GNG4: variants seen among roughly 807,000 people sequenced by gnomAD.
GNG4 encodes G protein subunit gamma 4.
Under a neutral mutation model 5.8 loss-of-function variants are expected in GNG4, and 4 were observed. That is an observed-to-expected ratio of 0.69 (90% CI 0.34 to 1.57). GNG4 has a LOEUF of 1.57. Ranked by LOEUF, GNG4 falls within the 40% of genes most tolerant of loss-of-function variation. GNG4 has a pLI of 0.06. For synonymous variants in GNG4, 29 were observed against 32.9 expected, an observed-to-expected ratio of 0.88 and a Z score of 0.41; for missense variants, 96 against 95.1, an observed-to-expected ratio of 1.01 and a Z score of -0.04.
At position 235,570,706 on chromosome 1, in the gene GNG4, AT is replaced by A. The variant is rs1200424152; in HGVS notation, c.99+13033del. ...TGAGCACCGCACCCAGTCTAAATAA[AT>A]TTTTAAAAGACAGGGTCTCACTCTG... is the stretch of plus-strand genomic sequence containing the variant. On this transcript the variant is annotated intron_variant, in intron 3 of 3. Coordinates refer to ENST00000391854, the MANE Select transcript of GNG4 (RefSeq NM_001098722.2). 2.1e-3 allele frequency among the ~76,000 whole-genome samples: 315 copies of A among 151,088 alleles called. 1 individual carries two copies. The highest frequency in any genetic ancestry group is 7.4e-3 in the African/African-American group (303 of 41,160).
chr1:235,565,821 C>T (rs1687179695), intron 3 of GNG4: 2 of 152,216 alleles, frequency 1.3e-5, no homozygotes, highest in Admixed American at 1.3e-4. Context: ...CCAGTCGTTC[C>T]TATGGAGTTC....
intron 3 of GNG4, among the ~76,000 whole-genome samples, chr1:235,582,958 T>C (rs1417783748): frequency 6.6e-6 from 1 of 152,158 alleles, no homozygotes; most frequent in Non-Finnish European, 1.5e-5. Context: ...GCTCTGTCCA[T>C]AGAAGGCTTC....
At chr1:235,636,731 C>A (rs948183557) in intron 1 of GNG4, among the ~76,000 whole-genome samples, 1 of 152,130 alleles carries the variant, frequency 6.6e-6, no homozygotes, top group Admixed American at 6.5e-5. Flanking sequence ...TACTGACAGG[C>A]GATGGCATGC....
intron 1 of GNG4, among the ~76,000 whole-genome samples, chr1:235,635,883 C>T (rs1195179869): frequency 6.6e-6 from 1 of 152,222 alleles, no homozygotes; most frequent in East Asian, 1.9e-4. Context: ...ACACAGGTTT[C>T]CTGGGTTGTG....
At chr1:235,629,198 G>T (rs114693151) in intron 1 of GNG4, among the ~76,000 whole-genome samples, 4,263 of 151,596 alleles carry the variant, frequency 0.028, 196 homozygotes, top group African/African-American at 0.095. Context: ...AAAAAAAAAT[G>T]AAGACAGGGG....
chr1:235,619,879 C>T (rs1035023546), intron 1 of GNG4, among the ~76,000 whole-genome samples: 1 of 152,030 alleles, frequency 6.6e-6, no homozygotes, highest in South Asian at 2.1e-4. Flanking sequence ...AAAATAATAG[C>T]CTTTGTTTTG....
At position 235,551,936 on chromosome 1, in the gene GNG4, A is replaced by G; in HGVS notation, c.*173T>C. 2 of 530,214 alleles carry G rather than the reference A, an allele frequency of 3.8e-6. No homozygotes were observed. Among genetic ancestry groups the G allele is most frequent in the Non-Finnish European group, 6.9e-6 (2 of 291,648 alleles). 32.8% of individuals were successfully genotyped at this position (530,214 alleles called of 1,614,324 possible). On this transcript the variant is annotated 3_prime_UTR_variant, in exon 4 of 4. Coordinates refer to ENST00000391854, the MANE Select transcript of GNG4 (RefSeq NM_001098722.2). ...AAAATAACATGAAAATGAAAAGGAA[A>G]AAAATGAAATTGAATGCCACGAAGA...
intron 3 of GNG4, among the ~76,000 whole-genome samples, chr1:235,574,298 G>C (rs745752162): frequency 6.6e-6 from 1 of 152,110 alleles, no homozygotes; most frequent in Non-Finnish European, 1.5e-5. Context: ...TTGAACCCAG[G>C]AGGCAGAGAT....
chr1:235,645,766 C>A (rs1431388682), intron 1 of GNG4, among the ~76,000 whole-genome samples: 1 of 135,204 alleles, frequency 7.4e-6, no homozygotes, highest in East Asian at 2.2e-4. Flanking sequence ...CATTGCTCTC[C>A]AGCCTGGGAG....
At chr1:235,612,420 G>C (rs1433055473) in intron 1 of GNG4, among the ~76,000 whole-genome samples, 2 of 152,286 alleles carry the variant, frequency 1.3e-5, no homozygotes, top group African/African-American at 4.8e-5. Flanking sequence ...GGGAGGTGCA[G>C]GGTCTGCGTG....
intron 1 of GNG4, among the ~76,000 whole-genome samples, chr1:235,620,343 C>G (rs987823958): frequency 6.6e-6 from 1 of 152,076 alleles, no homozygotes; most frequent in Non-Finnish European, 1.5e-5. Context: ...CCAGCCTGGG[C>G]GACAAGAGTG....
chr1:235,625,967 G>C (rs12121245), intron 1 of GNG4, among the ~76,000 whole-genome samples: 40,976 of 152,102 alleles, frequency 0.27, 6,900 homozygotes, highest in Non-Finnish European at 0.37. Context: ...AATTGCTATA[G>C]CATATGGGAA....
At chr1:235,620,572 A>G (rs1032632087) in intron 1 of GNG4, among the ~76,000 whole-genome samples, 1 of 151,792 alleles carries the variant, frequency 6.6e-6, no homozygotes, top group South Asian at 2.1e-4. Flanking sequence ...GTCTCGCTCT[A>G]TTGCCCAGAC....
At chr1:235,552,351 C>CATG in intron 3 of GNG4, 114 bp from the exon 4 acceptor site, 1 of 921,934 alleles carries the variant, frequency 1.1e-6, no homozygotes, top group Non-Finnish European at 1.7e-6. Context: ...GTATTGTGTG[C>CATG]ACGGCCTACA....
In GNG4 at chr1:235,649,729, G is replaced by T. The variant is rs1657614545; in HGVS notation, c.-190C>A. 6.6e-6 allele frequency: 1 copy of T among 151,470 alleles called. No homozygotes were observed. The allele number at this position is 151,470 out of a possible 1,614,324, so 9.4% of individuals were successfully genotyped here. ...TCGCGGGGGGCGGCCAGGCCGAGCG[G>T]CATCGCTCCGCATCGGGGCGCGGGC... On this transcript the variant is annotated 5_prime_UTR_variant, in exon 1 of 4. Transcript: ENST00000391854. This position sits in a 1 kb window ranked among gnomAD's most constrained non-coding sequence, Gnocchi z 5.7.
At chr1:235,552,830 C>T (rs1207270309) in intron 3 of GNG4, among the ~76,000 whole-genome samples, 2 of 152,086 alleles carry the variant, frequency 1.3e-5, no homozygotes, top group Non-Finnish European at 2.9e-5. Context: ...GGCGTGATCT[C>T]CGCTCACTGC....
chr1:235,590,899 C>T (rs1008319934), intron 2 of GNG4, among the ~76,000 whole-genome samples: 2 of 152,182 alleles, frequency 1.3e-5, no homozygotes, highest in Non-Finnish European at 2.9e-5. Flanking sequence ...TAGGGGCTGT[C>T]TCAACTAGTC....
chr1:235,560,127 C>G (rs972165301), intron 3 of GNG4, among the ~76,000 whole-genome samples: 1 of 152,218 alleles, frequency 6.6e-6, no homozygotes, highest in African/African-American at 2.4e-5. Context: ...GATGGACACT[C>G]CAGGCACTCA....
At chr1:235,628,736 C>T (rs896605962) in intron 1 of GNG4, among the ~76,000 whole-genome samples, 13 of 152,208 alleles carry the variant, frequency 8.5e-5, no homozygotes, top group African/African-American at 2.9e-4. Context: ...GGGATTGAGA[C>T]TCGCATCAGC....
Sources: gnomAD v4.1 joint callset for allele counts (sites outside exome capture counted in the v4.1 genomes callset) on GRCh38, gnomAD v4.1.1 for gene constraint, Gnocchi (gnomAD v3.1) non-coding constraint, MANE v1.5 for transcripts, NCBI Gene and HGNC (gene_info 2026-07-23, HGNC 2026-07-21) for gene names.